The following TRPS1 variants were observed in gnomAD, a reference collection of about 807,000 sequenced individuals.
TRPS1 encodes the protein transcriptional repressor GATA binding 1, also known as zinc finger transcription factor Trps1.
Under a neutral mutation model 101.2 loss-of-function variants are expected in TRPS1, and 6 were observed. The observed-to-expected ratio is 0.06, with a 90% CI of 0.03 to 0.12. TRPS1 has a LOEUF of 0.12. TRPS1 is among the 10% of genes least tolerant of loss of function. The probability of loss-of-function intolerance (pLI) is 1.00; values close to 1 mark genes in which losing one functional copy is unlikely to be tolerated. For synonymous variants in TRPS1, 578 were observed against 589.8 expected, an observed-to-expected ratio of 0.98 and a Z score of 0.29; for missense variants, 1,363 against 1,567.0, an observed-to-expected ratio of 0.87 and a Z score of 2.20.
chr8:115,412,873 G>A lies in TRPS1; in HGVS notation c.*1150C>T, dbSNP rs973119698. 6.6e-6 allele frequency: 1 copy of A among 152,494 alleles called. No individual in the cohort carries two copies. Among genetic ancestry groups the A allele is most frequent in the Non-Finnish European group, 1.5e-5 (1 of 68,006 alleles). The allele number at this position is 152,494 out of a possible 1,614,324, so 9.4% of individuals were successfully genotyped here. ...AAGTTCTATGAGGACATACTTCTAAGAATCCTATTTAATGCTACTTAACTA... is the reference window on the plus strand; with the variant it reads ...AAGTTCTATGAGGACATACTTCTAAAAATCCTATTTAATGCTACTTAACTA... On this transcript the variant is annotated 3_prime_UTR_variant, in exon 7 of 7. Transcript: ENST00000395715.
At chr8:115,653,684 A>C (rs1811614084) in intron 1 of TRPS1, among the ~76,000 whole-genome samples, 1 of 151,402 alleles carries the variant, frequency 6.6e-6, no homozygotes, top group South Asian at 2.1e-4. Context: ...AAAACAAAAC[A>C]AAACAAAAAA....
chr8:115,437,368 A>T (rs1468153202), intron 5 of TRPS1, among the ~76,000 whole-genome samples: 6 of 152,322 alleles, frequency 3.9e-5, no homozygotes, highest in East Asian at 3.9e-4. Context: ...AGCATACAGG[A>T]TATGCTGGAA....
intron 5 of TRPS1, among the ~76,000 whole-genome samples, chr8:115,482,303 G>A (rs1356088231): frequency 6.6e-6 from 1 of 152,142 alleles, no homozygotes; most frequent in African/African-American, 2.4e-5. Context: ...TGTATAAGGT[G>A]AAATTTAACC....
rs780028290 is a variant in TRPS1, at chr8:115,587,427, C to T, written c.2274G>A (p.Arg758=). ...AGTCTGGAGTTAGCAGATTGTAGAC[C>T]CTGAAGTCAATTTTGGGCTCCTCTT... The part of the protein sequence containing the change: ...TIKEEPKIDF[R]VYNLLTPDSK... Residue 758 remains arginine (R), a synonymous_variant, in exon 5 of 7, where the codon AGG becomes AGA. Transcript: ENST00000395715. 6.2e-7 allele frequency: 1 copy of T among 1,614,004 alleles called. No individual in the cohort carries two copies. Among genetic ancestry groups the T allele is most frequent in the Non-Finnish European group, 8.5e-7 (1 of 1,179,962 alleles).
intron 1 of TRPS1, among the ~76,000 whole-genome samples, chr8:115,644,966 A>G (rs2130595499): frequency 6.6e-6 from 1 of 152,302 alleles, no homozygotes. Context: ...GCTCCCCAAA[A>G]CAATAACAAT....
intron 5 of TRPS1, among the ~76,000 whole-genome samples, chr8:115,566,993 G>A (rs1196262972): frequency 1.3e-5 from 2 of 152,038 alleles, no homozygotes; most frequent in African/African-American, 4.8e-5. Flanking sequence ...TTATGTCTCT[G>A]CTTTTTATCC....
At chr8:115,648,617 A>C (rs1029559838) in intron 1 of TRPS1, among the ~76,000 whole-genome samples, 1 of 152,184 alleles carries the variant, frequency 6.6e-6, no homozygotes, top group African/African-American at 2.4e-5. Flanking sequence ...TCTGTTCCTG[A>C]TCTGCAGTTC....
intron 1 of TRPS1, among the ~76,000 whole-genome samples, chr8:115,645,397 A>G (rs1360498411): frequency 2.6e-5 from 4 of 152,202 alleles, no homozygotes; most frequent in Non-Finnish European, 4.4e-5. Context: ...ATTTTTATTA[A>G]CGAAGTGCTT....
At chr8:115,526,032 A>C (rs551947761) in intron 5 of TRPS1, among the ~76,000 whole-genome samples, 2 of 152,326 alleles carry the variant, frequency 1.3e-5, no homozygotes, top group Admixed American at 1.3e-4. Flanking sequence ...TGTGGGAAGA[A>C]GGGCAGAACA....
At chr8:115,546,762 ACT>A (rs1816583777) in intron 5 of TRPS1, among the ~76,000 whole-genome samples, 1 of 152,270 alleles carries the variant, frequency 6.6e-6, no homozygotes, top group South Asian at 2.1e-4. Context: ...AGTTTACATA[ACT>A]CTTCATTACT....
At chr8:115,507,126 T>C (rs1452996181) in intron 5 of TRPS1, among the ~76,000 whole-genome samples, 3 of 152,062 alleles carry the variant, frequency 2.0e-5, no homozygotes, top group African/African-American at 7.2e-5. Flanking sequence ...ATAAATCTCC[T>C]CAGTAAATAG....
chr8:115,635,476 C>T (rs2130572362), intron 1 of TRPS1, among the ~76,000 whole-genome samples: 1 of 152,248 alleles, frequency 6.6e-6, no homozygotes, highest in South Asian at 2.1e-4. Context: ...ATGTGTCAGG[C>T]ATTGAGTAAA....
chr8:115,466,999 T>C (rs1814338347), intron 5 of TRPS1, among the ~76,000 whole-genome samples: 1 of 152,134 alleles, frequency 6.6e-6, no homozygotes, highest in African/African-American at 2.4e-5. Context: ...AATAATTTTC[T>C]CTTTGTAATC....
At chr8:115,491,619 T>A in intron 5 of TRPS1, among the ~76,000 whole-genome samples, 1 of 147,488 alleles carries the variant, frequency 6.8e-6, no homozygotes, top group Admixed American at 6.8e-5. Context: ...CGAGACCTGG[T>A]AGAAAAGAAA....
At chr8:115,635,573 A>C (rs1158033945) in intron 1 of TRPS1, among the ~76,000 whole-genome samples, 1 of 152,200 alleles carries the variant, frequency 6.6e-6, no homozygotes, top group African/African-American at 2.4e-5. Flanking sequence ...CCTAGAGAAA[A>C]GAAATAAATA....
At chr8:115,527,892 AC>A (rs1253212814) in intron 5 of TRPS1, among the ~76,000 whole-genome samples, 1 of 152,052 alleles carries the variant, frequency 6.6e-6, no homozygotes, top group African/African-American at 2.4e-5. Flanking sequence ...TGAGTAAGGT[AC>A]CCCAAATTAG....
At chr8:115,462,005 C>T (rs745910560) in intron 5 of TRPS1, among the ~76,000 whole-genome samples, 1 of 152,148 alleles carries the variant, frequency 6.6e-6, no homozygotes, top group Non-Finnish European at 1.5e-5. Context: ...ATCTTCAACA[C>T]CTTTCATCTT....
intron 5 of TRPS1, among the ~76,000 whole-genome samples, chr8:115,429,536 C>T (rs750617943): frequency 2.0e-5 from 3 of 152,224 alleles, no homozygotes; most frequent in East Asian, 1.9e-4. Flanking sequence ...ACTACCTCAT[C>T]GCATCAAGCA....
intron 5 of TRPS1, among the ~76,000 whole-genome samples, chr8:115,574,387 A>G (rs1205137960): frequency 6.6e-6 from 1 of 152,294 alleles, no homozygotes. Context: ...ACGCATTCCA[A>G]TCCCACAAAC....
Sources: gnomAD v4.1 joint callset for allele counts (sites outside exome capture counted in the v4.1 genomes callset) on GRCh38, gnomAD v4.1.1 for gene constraint, MANE v1.5 for transcripts, NCBI Gene and HGNC (gene_info 2026-07-23, HGNC 2026-07-21) for gene names.